SLCO1A2: variants seen among roughly 807,000 people sequenced by gnomAD.
The protein encoded by SLCO1A2 is solute carrier organic anion transporter family member 1A2, also known as OATP-1.
A neutral mutation model predicts 69.0 loss-of-function variants in SLCO1A2; 67 were observed. The ratio of observed to expected loss-of-function variants is 0.97; its 90% CI spans 0.80 to 1.19. The LOEUF (loss-of-function observed/expected upper bound fraction) is 1.19, where lower values mean the gene tolerates loss of function less well. SLCO1A2 is among the 50% of genes most tolerant of loss of function. The probability of loss-of-function intolerance (pLI) is 0.00; values close to 1 mark genes in which losing one functional copy is unlikely to be tolerated. For synonymous variants in SLCO1A2, 260 were observed against 265.9 expected (o/e 0.98, Z 0.22); for missense variants, 787 against 793.7 (o/e 0.99, Z 0.10).
intron 2 of SLCO1A2, among the ~76,000 whole-genome samples, chr12:21,349,277 G>A (rs1047781168): frequency 2.0e-5 from 3 of 152,072 alleles, no homozygotes; most frequent in Admixed American, 6.6e-5. Context: ...AGGAAAGTTG[G>A]GGAGGGGGAA....
chr12:21,344,489 C>G (rs1953189418), intron 2 of SLCO1A2, among the ~76,000 whole-genome samples: 1 of 152,024 alleles, frequency 6.6e-6, no homozygotes, highest in East Asian at 1.9e-4. Flanking sequence ...TGATATGCCC[C>G]TCCCAGTTAG....
At chr12:21,371,070 A>T (rs1235783343) in intron 2 of SLCO1A2, among the ~76,000 whole-genome samples, 1 of 152,198 alleles carries the variant, frequency 6.6e-6, no homozygotes, top group African/African-American at 2.4e-5. Context: ...TTGCAGTCAT[A>T]TTTATACCCA....
intron 2 of SLCO1A2, among the ~76,000 whole-genome samples, chr12:21,328,063 G>A (rs1306185333): frequency 6.6e-6 from 1 of 152,094 alleles, no homozygotes; most frequent in African/African-American, 2.4e-5. Flanking sequence ...AAGCTCTAAT[G>A]GTTTTATAAA....
chr12:21,400,237 A>T (rs1207496298), upstream of SLCO1A2, among the ~76,000 whole-genome samples: 1 of 152,226 alleles, frequency 6.6e-6, no homozygotes, highest in African/African-American at 2.4e-5. Context: ...GACACTTCTC[A>T]AAAGAAGACA....
At chr12:21,294,172 T>C (rs1007479028) in intron 10 of SLCO1A2, 62 bp from the exon 11 acceptor site, 49 of 1,286,084 alleles carry the variant, frequency 3.8e-5, no homozygotes, top group Non-Finnish European at 4.9e-5. Flanking sequence ...TTTTTCTTCT[T>C]TTCATCTCAA....
intron 14 of SLCO1A2, 70 bp downstream of exon 14, chr12:21,274,399 C>T (rs1387266267): frequency 1.4e-5 from 13 of 944,608 alleles, no homozygotes; most frequent in Admixed American, 3.9e-5. Flanking sequence ...GAAAAAGTTA[C>T]GTGTGAATGG....
At chr12:21,346,759 A>G (rs539786885) in intron 2 of SLCO1A2, among the ~76,000 whole-genome samples, 28 of 152,266 alleles carry the variant, frequency 1.8e-4, no homozygotes, top group Admixed American at 7.8e-4. Flanking sequence ...CTCCCCCATA[A>G]AAGTAACACT....
upstream of SLCO1A2, among the ~76,000 whole-genome samples, chr12:21,336,537 G>T (rs548732439): frequency 1.1e-3 from 165 of 152,000 alleles, no homozygotes; most frequent in South Asian, 0.011. Context: ...AGAATTACAT[G>T]GGATTAAATT....
chr12:21,347,144 G>GA (rs1565510164), intron 2 of SLCO1A2, among the ~76,000 whole-genome samples: 2 of 151,768 alleles, frequency 1.3e-5, no homozygotes, highest in Non-Finnish European at 2.9e-5. Flanking sequence ...GAAAAAATTA[G>GA]AAAAAAAATT....
In SLCO1A2 at chr12:21,319,446, G is replaced by A. The variant is rs190664638; in HGVS notation, c.61-523C>T. Reference sequence around the variant, plus strand: ...AACATTCTGCATTCTCAGCAATGAGGGAAATATCCAGAACAATCTGAGTTA... The same window carrying A: ...AACATTCTGCATTCTCAGCAATGAGAGAAATATCCAGAACAATCTGAGTTA... On this transcript the variant is annotated intron_variant, in intron 2 of 14. Transcript: ENST00000683939. 8.0e-5 allele frequency: 109 copies of A among 1,367,588 alleles called. No individual in the cohort carries two copies. In the East Asian group the frequency reaches 4.6e-3, roughly 58 times the overall value. 84.7% of individuals were successfully genotyped at this position (1,367,588 alleles called of 1,614,324 possible). A position where few individuals can be genotyped will look rare whatever the true frequency, so the allele number is the denominator to read the frequency against.
chr12:21,364,868 T>G (rs1208930820), intron 2 of SLCO1A2, among the ~76,000 whole-genome samples: 2 of 152,120 alleles, frequency 1.3e-5, no homozygotes, highest in Non-Finnish European at 2.9e-5. Flanking sequence ...CAAGGAGAAC[T>G]ACAAACCACT....
chr12:21,377,155 T>G (rs1448966018), intron 1 of SLCO1A2, among the ~76,000 whole-genome samples: 1 of 152,174 alleles, frequency 6.6e-6, no homozygotes, highest in African/African-American at 2.4e-5. Flanking sequence ...AAAAATGTGA[T>G]GAATATTAAT....
chr12:21,417,286 A>G (rs1464560578), intron 1 of SLCO1A2, among the ~76,000 whole-genome samples: 4 of 151,974 alleles, frequency 2.6e-5, no homozygotes, highest in Non-Finnish European at 1.5e-5. Flanking sequence ...TCATAATTAT[A>G]TAAACATTGA....
chr12:21,389,620 T>C (rs1941054420), intron 1 of SLCO1A2, among the ~76,000 whole-genome samples: 1 of 151,908 alleles, frequency 6.6e-6, no homozygotes, highest in South Asian at 2.1e-4. Context: ...TATAGCAAAA[T>C]CAAAGATTTT....
At chr12:21,378,458 T>A in intron 1 of SLCO1A2, 1 of 1,545,330 alleles carries the variant, frequency 6.5e-7, no homozygotes, top group Non-Finnish European at 9.0e-7. Context: ...TATTGTTTTA[T>A]GTTCTAGTGA....
intron 1 of SLCO1A2, among the ~76,000 whole-genome samples, chr12:21,415,247 C>G (rs987276354): frequency 4.0e-5 from 6 of 151,862 alleles, no homozygotes; most frequent in African/African-American, 1.2e-4. Flanking sequence ...TTAATGAGAC[C>G]AGAACTATCC....
rs375061978 is a variant in SLCO1A2 at position 21,375,505 on chromosome 12, A to T, written c.-189-980T>A. Among the ~76,000 whole-genome samples the T allele has an allele frequency of 5.3e-5, 8 of 152,328 alleles. No individual in the cohort carries two copies. The South Asian group carries it at 1.7e-3, about 32-fold the overall frequency. ...TAATCATCTCATTTGAGATTTTTTC[A>T]ATTTGTAAATGTATGAAATAGGATA... On this transcript the variant is annotated intron_variant, in intron 1 of 15. Coordinates refer to the SLCO1A2 transcript ENST00000307378.
chr12:21,338,333 T>C (rs552842073), upstream of SLCO1A2, among the ~76,000 whole-genome samples: 2 of 152,008 alleles, frequency 1.3e-5, no homozygotes, highest in African/African-American at 4.8e-5. Context: ...ACTCTTGATA[T>C]CTGATCATCT....
intron 1 of SLCO1A2, chr12:21,378,261 C>T (rs748654986): frequency 5.6e-6 from 9 of 1,614,120 alleles, no homozygotes; most frequent in Non-Finnish European, 7.6e-6. Flanking sequence ...AGCGGAAATG[C>T]AACACTGCCA....
Sources: allele counts gnomAD v4.1 joint callset (sites outside exome capture counted in the v4.1 genomes callset), GRCh38; gene constraint gnomAD v4.1.1; transcripts MANE v1.5; gene names NCBI Gene and HGNC (gene_info 2026-07-23, HGNC 2026-07-21).